PTPRD: variants seen among roughly 807,000 people sequenced by gnomAD.
PTPRD encodes protein tyrosine phosphatase receptor type D, also known as receptor-type tyrosine-protein phosphatase delta.
Under a neutral mutation model 214.5 loss-of-function variants are expected in PTPRD, and 34 were observed. The ratio of observed to expected loss-of-function variants is 0.16; its 90% confidence interval spans 0.12 to 0.21. PTPRD has a LOEUF of 0.21. Among genes scored for constraint, PTPRD ranks in the 10% least tolerant of loss-of-function variants. The pLI, the probability that PTPRD is intolerant of heterozygous loss-of-function variation, is 1.00. For synonymous variants in PTPRD, 1,128 were observed against 845.7 expected, an observed-to-expected ratio of 1.33 and a Z score of -5.79; for missense variants, 2,545 against 2,398.7, an observed-to-expected ratio of 1.06 and a Z score of -1.27.
intron 5 of PTPRD, among the ~76,000 whole-genome samples, chr9:9,780,361 C>T (rs934703492): frequency 1.3e-5 from 2 of 151,916 alleles, no homozygotes; most frequent in African/African-American, 2.4e-5. Context: ...ATATGTACCC[C>T]TGTATTTAAA....
At chr9:9,990,975 C>T (rs2095894722) in intron 4 of PTPRD, among the ~76,000 whole-genome samples, 1 of 149,478 alleles carries the variant, frequency 6.7e-6, no homozygotes, top group South Asian at 2.1e-4. Context: ...CACTTTGCTG[C>T]CCAGGCTGCA....
At chr9:8,770,919 C>G (rs933116874) in intron 11 of PTPRD, among the ~76,000 whole-genome samples, 3 of 152,100 alleles carry the variant, frequency 2.0e-5, no homozygotes, top group African/African-American at 7.2e-5. Context: ...GTGGCTCACG[C>G]CTGTAATACC....
At chr9:9,351,153 AAGGGCTG>A in intron 9 of PTPRD, among the ~76,000 whole-genome samples, 1 of 152,152 alleles carries the variant, frequency 6.6e-6, no homozygotes, top group South Asian at 2.1e-4. Flanking sequence ...CTTTTCTTAG[AAGGGCTG>A]TTAACAAGAA....
At chr9:8,745,784 T>TTCTCTCTC (rs60391748) in intron 11 of PTPRD, among the ~76,000 whole-genome samples, 99 of 148,826 alleles carry the variant, frequency 6.7e-4, no homozygotes, top group African/African-American at 2.3e-3. Flanking sequence ...TTTATGGAGT[T>TTCTCTCTC]TCTCTCTCTC....
intron 15 of PTPRD, chr9:8,528,377 A>G (rs2074773275): frequency 1.6e-6 from 1 of 618,678 alleles, no homozygotes; most frequent in Non-Finnish European, 2.8e-6. Context: ...ATTAAACAGA[A>G]GCTGCAAAAC....
chr9:8,557,779 T>C (rs201485066), intron 14 of PTPRD, among the ~76,000 whole-genome samples: 5 of 103,870 alleles, frequency 4.8e-5, no homozygotes, highest in African/African-American at 7.3e-5. Flanking sequence ...AAAAACAAAA[T>C]ACACACACAC....
At chr9:10,287,221 T>C (rs532093318) in intron 3 of PTPRD, among the ~76,000 whole-genome samples, 63 of 152,296 alleles carry the variant, frequency 4.1e-4, no homozygotes, top group Middle Eastern at 3.4e-3. Context: ...ACAATTAGCA[T>C]GTGGAGTGTT....
At chr9:10,017,271 T>C (rs2096738945) in intron 4 of PTPRD, among the ~76,000 whole-genome samples, 2 of 152,098 alleles carry the variant, frequency 1.3e-5, no homozygotes, top group Non-Finnish European at 2.9e-5. Flanking sequence ...AATTTGTCCA[T>C]TTCTTTGTCC....
chr9:8,959,544 T>C (rs2099148337), intron 11 of PTPRD, among the ~76,000 whole-genome samples: 1 of 151,978 alleles, frequency 6.6e-6, no homozygotes, highest in Non-Finnish European at 1.5e-5. Context: ...CATTTTGGGC[T>C]TCATCCAAAG....
intron 6 of PTPRD, among the ~76,000 whole-genome samples, chr9:9,744,535 A>G (rs137915875): frequency 2.7e-4 from 41 of 152,194 alleles, no homozygotes; most frequent in African/African-American, 9.1e-4. Flanking sequence ...TTCTATTTCA[A>G]TACCCATAAC....
chr9:9,344,142 A>C (rs746799105), intron 9 of PTPRD, among the ~76,000 whole-genome samples: 29 of 152,274 alleles, frequency 1.9e-4, no homozygotes, highest in Non-Finnish European at 3.2e-4. Context: ...TTACACTAAG[A>C]AAGTTAACTC....
intron 5 of PTPRD, among the ~76,000 whole-genome samples, chr9:9,935,228 A>C (rs1219384565): frequency 6.6e-6 from 1 of 152,018 alleles, no homozygotes; most frequent in Non-Finnish European, 1.5e-5. Context: ...TGGCCAGGGC[A>C]ATCAGGCAGG....
intron 9 of PTPRD, among the ~76,000 whole-genome samples, chr9:9,258,096 GAT>G: frequency 6.7e-6 from 1 of 148,584 alleles, no homozygotes; most frequent in African/African-American, 2.4e-5. Context: ...GATAGAGATA[GAT>G]AGATAGATAG....
chr9:8,582,777 G>A (rs186030672), intron 14 of PTPRD, among the ~76,000 whole-genome samples: 107 of 152,300 alleles, frequency 7.0e-4, no homozygotes, highest in African/African-American at 2.5e-3. Context: ...TCTTAGTTAT[G>A]CTGGTAGAAA....
At chr9:9,951,004 G>T (rs2093404625) in intron 4 of PTPRD, among the ~76,000 whole-genome samples, 1 of 152,120 alleles carries the variant, frequency 6.6e-6, no homozygotes, top group Non-Finnish European at 1.5e-5. Context: ...TCACTGGTAT[G>T]AAAGTAACAA....
chr9:9,653,455 TAAAAATG>T (rs1398592215), intron 7 of PTPRD, among the ~76,000 whole-genome samples: 2 of 148,084 alleles, frequency 1.4e-5, no homozygotes, highest in Non-Finnish European at 3.0e-5. Flanking sequence ...TTGGTAAACT[TAAAAATG>T]AATATATTTT....
At chr9:8,730,416 A>C (rs2098644149) in intron 12 of PTPRD, among the ~76,000 whole-genome samples, 1 of 152,218 alleles carries the variant, frequency 6.6e-6, no homozygotes, top group Admixed American at 6.5e-5. Context: ...TGAGGAATTA[A>C]ATTATGAAGA....
At position 8,757,127 on chromosome 9, in the gene PTPRD, G is replaced by A. The variant is rs540993629; in HGVS notation, c.-103-23181C>T. ...AGTGCACTCCAGCGTGGGCAACAGA[G>A]TGAGACTCCATCTCAAAATAATAAT... On this transcript the variant is annotated intron_variant, in intron 11 of 45. Coordinates refer to ENST00000381196, the MANE Select transcript of PTPRD (RefSeq NM_002839.4). Among the ~76,000 whole-genome samples, 26 of 152,284 alleles carry A rather than the reference G, an allele frequency of 1.7e-4. 1 individual carries two copies. The South Asian group carries it at 5.0e-3, about 29-fold the overall frequency.
chr9:9,001,789 A>G (rs549899480), intron 11 of PTPRD, among the ~76,000 whole-genome samples: 1 of 152,140 alleles, frequency 6.6e-6, no homozygotes, highest in East Asian at 1.9e-4. Context: ...TCTGATTTCT[A>G]ACATCTACTT....
Sources: allele counts gnomAD v4.1 joint callset (sites outside exome capture counted in the v4.1 genomes callset), GRCh38; gene constraint gnomAD v4.1.1; transcripts MANE v1.5; gene names NCBI Gene and HGNC (gene_info 2026-07-23, HGNC 2026-07-21).